CSMD1: variants seen among roughly 807,000 people sequenced by gnomAD.
CSMD1 encodes the protein CUB and sushi domain-containing protein 1.
In CSMD1, 213 loss-of-function variants were observed where a neutral mutation model predicts 417.5. The ratio of observed to expected loss-of-function variants is 0.51; its 90% CI spans 0.46 to 0.57. CSMD1 has a LOEUF of 0.57. Among genes scored for constraint, CSMD1 ranks in the 20% least tolerant of loss-of-function variants. The pLI, the probability that CSMD1 is intolerant of heterozygous loss-of-function variation, is 0.00. For synonymous variants in CSMD1, 2,862 were observed against 1,736.8 expected (o/e 1.65, Z -16.11); for missense variants, 6,923 against 4,529.7 (o/e 1.53, Z -15.17).
chr8:3,077,045 T>C lies in CSMD1; in HGVS notation c.7474+10052A>G, dbSNP rs138752485. The stretch of plus-strand genomic sequence containing the variant: ...GTCCTAAGTGCACTTCTTTCCATCC[T>C]ATATCCATGTGTGCCCAGGTATGTG... On this transcript the variant is annotated intron_variant, in intron 49 of 69. Coordinates refer to ENST00000635120, the MANE Select transcript of CSMD1 (RefSeq NM_033225.6). Among the ~76,000 whole-genome samples the C allele has an allele frequency of 3.1e-3, 467 of 152,184 alleles. 1 individual carries two copies. Among genetic ancestry groups the C allele is most frequent in the African/African-American group, 0.011 (452 of 41,498 alleles).
intron 5 of CSMD1, among the ~76,000 whole-genome samples, chr8:3,760,464 T>C (rs1733891344): frequency 1.3e-5 from 2 of 152,308 alleles, no homozygotes; most frequent in African/African-American, 4.8e-5. Context: ...CAAATAATTG[T>C]ACCATACATT....
rs1175283061 is a variant in CSMD1 at position 3,951,768 on chromosome 8, G to A, written c.818+46135C>T. On this transcript the variant is annotated intron_variant, in intron 5 of 69. Coordinates refer to ENST00000635120, the MANE Select transcript of CSMD1 (RefSeq NM_033225.6). ...ACGTAATAGATGAGTAGAAAATGAG[G>A]GTGACCTGTGCTGAGAACAAATTAG... 3.9e-5 allele frequency among the ~76,000 whole-genome samples: 6 copies of A among 152,146 alleles called. No individual in the cohort carries two copies. In the East Asian group the frequency reaches 1.2e-3, roughly 29 times the overall value.
intron 10 of CSMD1, among the ~76,000 whole-genome samples, chr8:3,547,478 T>G (rs1024985295): frequency 1.3e-5 from 2 of 152,196 alleles, no homozygotes; most frequent in African/African-American, 4.8e-5. Flanking sequence ...GTCCGTAATG[T>G]TTTCCAACTT....
chr8:3,348,626 A>C (rs1808176127), intron 21 of CSMD1, among the ~76,000 whole-genome samples: 1 of 152,168 alleles, frequency 6.6e-6, no homozygotes, highest in Admixed American at 6.6e-5. Flanking sequence ...TTCAAAGGGG[A>C]ATCTAACGAC....
chr8:4,728,431 G>T (rs1809617297), intron 1 of CSMD1, among the ~76,000 whole-genome samples: 1 of 152,010 alleles, frequency 6.6e-6, no homozygotes, highest in Admixed American at 6.5e-5. Context: ...AGGGTAAGAA[G>T]CATTTCAGTC....
chr8:4,343,096 G>C (rs556652090), intron 3 of CSMD1, among the ~76,000 whole-genome samples: 2 of 152,020 alleles, frequency 1.3e-5, no homozygotes, highest in Non-Finnish European at 2.9e-5. Context: ...AGTGACCAAG[G>C]GATATGGGGT....
chr8:3,456,953 A>T (rs752379770), intron 12 of CSMD1, among the ~76,000 whole-genome samples: 1 of 151,720 alleles, frequency 6.6e-6, no homozygotes, highest in South Asian at 2.1e-4. Flanking sequence ...CTCACCCTAC[A>T]CACCCTCATC....
intron 3 of CSMD1, among the ~76,000 whole-genome samples, chr8:4,412,088 A>G (rs1434266117): frequency 2.0e-5 from 3 of 151,870 alleles, no homozygotes; most frequent in African/African-American, 7.3e-5. Context: ...TCAACGTGCA[A>G]GAGTGCGTGC....
intron 3 of CSMD1, among the ~76,000 whole-genome samples, chr8:4,249,444 C>A (rs73498581): frequency 0.12 from 17,559 of 152,116 alleles, 1,530 homozygotes; most frequent in East Asian, 0.33. Context: ...CCTATAATCA[C>A]AACCATGGAG....
At chr8:4,892,550 T>C (rs1291196300) in intron 1 of CSMD1, among the ~76,000 whole-genome samples, 1 of 152,148 alleles carries the variant, frequency 6.6e-6, no homozygotes, top group African/African-American at 2.4e-5. Context: ...GTACTAGCGT[T>C]AGGTATTGCC....
At chr8:3,379,136 T>G (rs910443467) in intron 18 of CSMD1, among the ~76,000 whole-genome samples, 1 of 152,104 alleles carries the variant, frequency 6.6e-6, no homozygotes, top group African/African-American at 2.4e-5. Context: ...AAGAATGAAC[T>G]CCCATTCACA....
At chr8:4,211,719 G>T (rs1326523807) in intron 3 of CSMD1, among the ~76,000 whole-genome samples, 2 of 152,210 alleles carry the variant, frequency 1.3e-5, no homozygotes, top group African/African-American at 2.4e-5. Context: ...ACCTGACTTT[G>T]CAAGTGGGGA....
At chr8:4,586,520 G>A (rs772041160) in intron 2 of CSMD1, among the ~76,000 whole-genome samples, 5 of 152,086 alleles carry the variant, frequency 3.3e-5, no homozygotes, top group African/African-American at 7.2e-5. Context: ...CCACAGCTTG[G>A]CAATTTTCCA....
intron 4 of CSMD1, among the ~76,000 whole-genome samples, chr8:4,003,895 T>C (rs967911928): frequency 2.0e-5 from 3 of 152,042 alleles, no homozygotes; most frequent in African/African-American, 7.2e-5. Flanking sequence ...TTTGTTCCTC[T>C]TTCACAGCTA....
intron 2 of CSMD1, among the ~76,000 whole-genome samples, chr8:4,465,817 C>CACATTCCTG (rs1800132923): frequency 6.6e-6 from 1 of 152,170 alleles, no homozygotes; most frequent in Admixed American, 6.5e-5. Flanking sequence ...CAACCCACCC[C>CACATTCCTG]ACATTCCTGA....
chr8:3,026,606 T>A (rs950978123), intron 51 of CSMD1, among the ~76,000 whole-genome samples: 2 of 152,116 alleles, frequency 1.3e-5, no homozygotes, highest in Non-Finnish European at 2.9e-5. Context: ...TCACTGGACC[T>A]CACTGGACCT....
intron 3 of CSMD1, among the ~76,000 whole-genome samples, chr8:4,394,942 C>T (rs1804100301): frequency 6.6e-6 from 1 of 152,136 alleles, no homozygotes; most frequent in South Asian, 2.1e-4. Flanking sequence ...ACTCACAGCT[C>T]AAGAAGTTAA....
At chr8:4,585,234 C>G (rs948100128) in intron 2 of CSMD1, among the ~76,000 whole-genome samples, 1 of 152,094 alleles carries the variant, frequency 6.6e-6, no homozygotes, top group African/African-American at 2.4e-5. Context: ...CAGCAGAGAA[C>G]TGCCATCTAC....
intron 1 of CSMD1, among the ~76,000 whole-genome samples, chr8:4,890,082 G>C (rs908342616): frequency 1.3e-5 from 2 of 152,118 alleles, no homozygotes; most frequent in East Asian, 1.9e-4. Flanking sequence ...CAGTTTATAC[G>C]TCAGAAACTA....
Sources: allele counts gnomAD v4.1 joint callset (sites outside exome capture counted in the v4.1 genomes callset), GRCh38; gene constraint gnomAD v4.1.1; transcripts MANE v1.5; gene names NCBI Gene and HGNC (gene_info 2026-07-23, HGNC 2026-07-21).